The following RGS7 variants were observed in gnomAD, a reference collection of about 807,000 sequenced individuals.
RGS7 encodes the protein regulator of G-protein signaling 7.
RGS7 carries 27 observed loss-of-function variants against 81.1 expected under a neutral mutation model. The ratio of observed to expected loss-of-function variants is 0.33; its 90% confidence interval spans 0.25 to 0.46. The LOEUF (loss-of-function observed/expected upper bound fraction) is 0.46. Among genes scored for constraint, RGS7 ranks in the 20% least tolerant of loss-of-function variants. The pLI, the probability that RGS7 is intolerant of heterozygous loss-of-function variation, is 1.00. For synonymous variants in RGS7, 208 were observed against 207.7 expected (o/e 1.00, Z -0.01); for missense variants, 396 against 607.4 (o/e 0.65, Z 3.66).
At chr1:241,087,944 ATC>A (rs574047844) in intron 3 of RGS7, among the ~76,000 whole-genome samples, 17,094 of 114,732 alleles carry the variant, frequency 0.15, 1,211 homozygotes, top group African/African-American at 0.26. Context: ...GCAAGACTCC[ATC>A]TCTCTCTCTC....
At chr1:241,125,427 GACACACACAC>G (rs59757330) in intron 2 of RGS7, among the ~76,000 whole-genome samples, 4 of 149,242 alleles carry the variant, frequency 2.7e-5, no homozygotes, top group Non-Finnish European at 6.0e-5. Flanking sequence ...CAAAGACATG[GACACACACAC>G]ACACACACAC....
intron 9 of RGS7, among the ~76,000 whole-genome samples, chr1:240,862,925 ATGTGTGTGTGTGTG>A (rs150023240): frequency 8.6e-4 from 125 of 144,652 alleles, no homozygotes; most frequent in African/African-American, 3.1e-3. Flanking sequence ...TAAACTAAAT[ATGTGTGTGTGTGTG>A]TGTGTGTGTG....
At chr1:241,233,570 T>C (rs1338012406) in intron 2 of RGS7, among the ~76,000 whole-genome samples, 1 of 152,198 alleles carries the variant, frequency 6.6e-6, no homozygotes, top group Admixed American at 6.5e-5. Flanking sequence ...CAGGATTTCA[T>C]GCTTTTTTTA....
rs550878551 is a variant in RGS7 at position 241,021,660 on chromosome 1, T to A, written c.176-38531A>T. On this transcript the variant is annotated intron_variant, in intron 3 of 18. Coordinates refer to ENST00000440928, the MANE Select transcript of RGS7 (RefSeq NM_001364886.1). ...CTGGGGGGCGGTCAAGGGGAGGAGG[T>A]GGAAGGGTAGACTGTTGGCTGGAAT... Among the ~76,000 whole-genome samples the A allele has an allele frequency of 6.8e-4, 103 of 152,082 alleles. 1 individual carries two copies. The highest frequency in any genetic ancestry group is 2.1e-3 in the African/African-American group (87 of 41,502).
At chr1:241,051,989 C>T (rs1481405657) in intron 3 of RGS7, among the ~76,000 whole-genome samples, 1 of 152,134 alleles carries the variant, frequency 6.6e-6, no homozygotes, top group Non-Finnish European at 1.5e-5. Flanking sequence ...GCACTGAGCC[C>T]CTTCACCACC....
chr1:241,243,926 A>C (rs1402586406), intron 2 of RGS7, among the ~76,000 whole-genome samples: 1 of 152,200 alleles, frequency 6.6e-6, no homozygotes, highest in Non-Finnish European at 1.5e-5. Context: ...TGAGATATGC[A>C]AATATATAGC....
At position 241,152,039 on chromosome 1, in the gene RGS7, A is replaced by T. The variant is rs72632889; in HGVS notation, c.79-53277T>A. Among the ~76,000 whole-genome samples the T allele has an allele frequency of 9.5e-3, 1,442 of 152,002 alleles. 135 individuals carry two copies. In the East Asian group the frequency reaches 0.22, roughly 24 times the overall value. ...ACATTCTATGCATTTGCTTCTTATA[A>T]CCTGATTCTTGGCCACTTAAGCAGC... On this transcript the variant is annotated intron_variant, in intron 2 of 18. Coordinates refer to ENST00000440928, the MANE Select transcript of RGS7 (RefSeq NM_001364886.1).
At chr1:241,275,077 A>G (rs1022057673) in intron 2 of RGS7, among the ~76,000 whole-genome samples, 1 of 152,218 alleles carries the variant, frequency 6.6e-6, no homozygotes, top group Non-Finnish European at 1.5e-5. Context: ...TATGGCATCA[A>G]ATACCACAAG....
At chr1:240,909,751 C>T (rs946452169) in intron 6 of RGS7, among the ~76,000 whole-genome samples, 1 of 152,234 alleles carries the variant, frequency 6.6e-6, no homozygotes, top group Non-Finnish European at 1.5e-5. Flanking sequence ...ATTTCTCTGG[C>T]TCTTGACACA....
chr1:241,149,879 G>A (rs1473456717), intron 2 of RGS7, among the ~76,000 whole-genome samples: 2 of 152,124 alleles, frequency 1.3e-5, no homozygotes, highest in Admixed American at 6.6e-5. Context: ...GGGTTCACAT[G>A]ATTCTCCTGC....
intron 2 of RGS7, among the ~76,000 whole-genome samples, chr1:241,105,968 T>C (rs564005837): frequency 6.6e-6 from 1 of 152,332 alleles, no homozygotes; most frequent in South Asian, 2.1e-4. Flanking sequence ...GTGCTAGCTA[T>C]GAAAATGGGA....
At chr1:241,191,575 T>G (rs1308480761) in intron 2 of RGS7, among the ~76,000 whole-genome samples, 1 of 152,214 alleles carries the variant, frequency 6.6e-6, no homozygotes, top group Non-Finnish European at 1.5e-5. Context: ...AGTTTCCTTT[T>G]TTGAACTGCC....
intron 3 of RGS7, among the ~76,000 whole-genome samples, chr1:241,078,858 T>C (rs1469811727): frequency 6.6e-6 from 1 of 152,194 alleles, no homozygotes; most frequent in Non-Finnish European, 1.5e-5. Flanking sequence ...GTTTAAAATA[T>C]AATGTTCTCA....
At chr1:241,355,229 C>A in intron 2 of RGS7, among the ~76,000 whole-genome samples, 1 of 152,142 alleles carries the variant, frequency 6.6e-6, no homozygotes, top group East Asian at 1.9e-4. Flanking sequence ...TAGTCAAGAA[C>A]GAAATTAGTA....
At chr1:240,862,957 T>G (rs183606348) in intron 9 of RGS7, among the ~76,000 whole-genome samples, 13 of 139,590 alleles carry the variant, frequency 9.3e-5, no homozygotes, top group South Asian at 2.2e-4. Flanking sequence ...GTGTGTGTGT[T>G]TGTGTGTGTA....
At chr1:241,061,275 T>G (rs982108948) in intron 3 of RGS7, among the ~76,000 whole-genome samples, 4 of 152,198 alleles carry the variant, frequency 2.6e-5, no homozygotes, top group African/African-American at 9.7e-5. Flanking sequence ...GAAATAAACA[T>G]GCGTTTGAGT....
chr1:241,107,947 G>C (rs2065231026), intron 2 of RGS7, among the ~76,000 whole-genome samples: 1 of 152,018 alleles, frequency 6.6e-6, no homozygotes, highest in Admixed American at 6.6e-5. Flanking sequence ...GCAGAAAAAA[G>C]TGTAAGAAAA....
At chr1:241,139,184 C>G (rs1405950616) in intron 2 of RGS7, among the ~76,000 whole-genome samples, 2 of 141,792 alleles carry the variant, frequency 1.4e-5, no homozygotes, top group Non-Finnish European at 3.1e-5. Context: ...TCTCTCCCTC[C>G]CTTCTTCTCT....
chr1:241,130,312 T>A (rs1293356527), intron 2 of RGS7, among the ~76,000 whole-genome samples: 1 of 151,400 alleles, frequency 6.6e-6, no homozygotes, highest in African/African-American at 2.4e-5. Flanking sequence ...AATTTGAGAG[T>A]CAATTACCTA....
Sources: gnomAD v4.1 joint callset for allele counts (sites outside exome capture counted in the v4.1 genomes callset) on GRCh38, gnomAD v4.1.1 for gene constraint, MANE v1.5 for transcripts, NCBI Gene and HGNC (gene_info 2026-07-23, HGNC 2026-07-21) for gene names.